The following THRB variants were observed in gnomAD, a reference collection of about 807,000 sequenced individuals.
The protein encoded by THRB is thyroid hormone receptor beta, also known as nuclear receptor subfamily 1 group A member 2.
A neutral mutation model predicts 47.8 loss-of-function variants in THRB; 12 were observed. The ratio of observed to expected loss-of-function variants is 0.25; its 90% CI spans 0.16 to 0.41. THRB has a LOEUF of 0.41. THRB is among the 10% of genes least tolerant of loss of function. The pLI is 1.00. For missense variants in THRB, 348 were observed against 589.2 expected (o/e 0.59, Z 4.24); for synonymous variants, 218 against 212.2 (o/e 1.03, Z -0.24).
chr3:24,165,458 T>C (rs578133090), intron 5 of THRB: 25 of 646,660 alleles, frequency 3.9e-5, no homozygotes, highest in African/African-American at 3.4e-4. Flanking sequence ...CAGAGAAGCA[T>C]ACATACATAC....
chr3:24,205,728 C>T (rs1360417525), intron 4 of THRB, among the ~76,000 whole-genome samples: 1 of 152,060 alleles, frequency 6.6e-6, no homozygotes, highest in African/African-American at 2.4e-5. Context: ...GAGTCAAGAC[C>T]CATCAGTGTG....
chr3:24,154,186 A>G (rs2037447714), intron 5 of THRB, among the ~76,000 whole-genome samples: 1 of 152,220 alleles, frequency 6.6e-6, no homozygotes, highest in African/African-American at 2.4e-5. Context: ...TGCATCATGC[A>G]AACCATGATT....
chr3:24,213,491 G>C (rs1193777246), intron 4 of THRB, among the ~76,000 whole-genome samples: 2 of 152,108 alleles, frequency 1.3e-5, no homozygotes, highest in African/African-American at 4.8e-5. Flanking sequence ...CCCAGCCCTG[G>C]TCAATATTTC....
intron 3 of THRB, among the ~76,000 whole-genome samples, chr3:24,275,211 G>A (rs146997499): frequency 7.5e-4 from 114 of 151,978 alleles, no homozygotes; most frequent in African/African-American, 2.0e-3. Flanking sequence ...TATTTTCTTC[G>A]TGCAAAAAAG....
chr3:24,259,851 A>C (rs1234712057), intron 3 of THRB, among the ~76,000 whole-genome samples: 2 of 150,276 alleles, frequency 1.3e-5, no homozygotes, highest in Non-Finnish European at 2.9e-5. Flanking sequence ...AAATAGATTA[A>C]TTAAATGTGT....
chr3:24,354,037 G>C (rs1241700893), intron 1 of THRB, among the ~76,000 whole-genome samples: 1 of 152,162 alleles, frequency 6.6e-6, no homozygotes, highest in Non-Finnish European at 1.5e-5. Context: ...TCTTTATCCA[G>C]TCTATCACTG....
intron 1 of THRB, among the ~76,000 whole-genome samples, chr3:24,466,040 A>G (rs2074127915): frequency 6.6e-6 from 1 of 152,080 alleles, no homozygotes; most frequent in Non-Finnish European, 1.5e-5. Context: ...ATTATGTGAT[A>G]TTTCAGTTTT....
intron 3 of THRB, among the ~76,000 whole-genome samples, chr3:24,237,568 T>G (rs1324490985): frequency 6.6e-6 from 1 of 152,030 alleles, no homozygotes; most frequent in Non-Finnish European, 1.5e-5. Flanking sequence ...CTTTTCCACC[T>G]CTCTCCCAGA....
chr3:24,213,963 C>A (rs2046315382), intron 4 of THRB, among the ~76,000 whole-genome samples: 1 of 152,120 alleles, frequency 6.6e-6, no homozygotes, highest in Non-Finnish European at 1.5e-5. Flanking sequence ...GATGATGGCA[C>A]CTGTCATTTA....
chr3:24,391,714 C>T (rs1189080608), intron 1 of THRB, among the ~76,000 whole-genome samples: 2 of 152,128 alleles, frequency 1.3e-5, no homozygotes, highest in African/African-American at 4.8e-5. Context: ...GGTCCGTCCT[C>T]CATTTTCAAA....
At chr3:24,259,910 C>T (rs950763833) in intron 3 of THRB, among the ~76,000 whole-genome samples, 1 of 151,980 alleles carries the variant, frequency 6.6e-6, no homozygotes, top group Admixed American at 6.6e-5. Context: ...ATATGATTCC[C>T]ATATCATACA....
chr3:24,419,954 C>T lies in THRB; in HGVS notation c.-261+74698G>A, dbSNP rs564800124. 9.4e-4 allele frequency among the ~76,000 whole-genome samples: 143 copies of T among 151,838 alleles called. 3 individuals carry two copies. The highest frequency in any genetic ancestry group is 6.8e-3 in the Middle Eastern group (2 of 294). On this transcript the variant is annotated intron_variant, in intron 1 of 10. Transcript: ENST00000646209. ...TTAAAAGAATAAGAGCACTGAAGGC[C>T]CTGAATCGAGGCTCCACCTCTTCCC...
intron 2 of THRB, among the ~76,000 whole-genome samples, chr3:24,312,285 T>C (rs2057809805): frequency 6.6e-6 from 1 of 152,234 alleles, no homozygotes; most frequent in Non-Finnish European, 1.5e-5. Context: ...GGGTCCCCAG[T>C]AGTCTGAAAA....
chr3:24,287,058 C>T (rs1430030160), intron 3 of THRB, among the ~76,000 whole-genome samples: 1 of 152,142 alleles, frequency 6.6e-6, no homozygotes, highest in African/African-American at 2.4e-5. Context: ...TTTGAAGGCC[C>T]CAAAGCTTGT....
At chr3:24,475,582 T>C (rs1012954768) in intron 1 of THRB, among the ~76,000 whole-genome samples, 1 of 152,220 alleles carries the variant, frequency 6.6e-6, no homozygotes, top group Non-Finnish European at 1.5e-5. Flanking sequence ...GGCCATGCAC[T>C]AGCAAGAAGA....
chr3:24,360,890 G>A (rs1289412716), intron 1 of THRB, among the ~76,000 whole-genome samples: 1 of 152,200 alleles, frequency 6.6e-6, no homozygotes, highest in Non-Finnish European at 1.5e-5. Context: ...TGTTGAAAAT[G>A]GTGCTTAATT....
intron 3 of THRB, among the ~76,000 whole-genome samples, chr3:24,282,580 A>G: frequency 8.2e-6 from 1 of 122,602 alleles, no homozygotes. Context: ...AGAAATAACT[A>G]AAATCAGAGC....
At chr3:24,299,270 A>AG (rs1426852765) in intron 2 of THRB, among the ~76,000 whole-genome samples, 2 of 149,750 alleles carry the variant, frequency 1.3e-5, no homozygotes, top group Middle Eastern at 3.4e-3. Context: ...AAAAAAAAAA[A>AG]AAAGAAAAGT....
intron 1 of THRB, among the ~76,000 whole-genome samples, chr3:24,426,291 G>A (rs1396675154): frequency 6.6e-6 from 1 of 151,866 alleles, no homozygotes; most frequent in Non-Finnish European, 1.5e-5. Context: ...AATGTCACTG[G>A]TAGGGACTAT....
Sources: gnomAD v4.1 joint callset for allele counts (sites outside exome capture counted in the v4.1 genomes callset) on GRCh38, gnomAD v4.1.1 for gene constraint, MANE v1.5 for transcripts, NCBI Gene and HGNC (gene_info 2026-07-23, HGNC 2026-07-21) for gene names.